Variants in STPG4 observed in about 807,000 individuals in gnomAD.
STPG4 encodes sperm-tail PG-rich repeat containing 4.
Under a neutral mutation model 31.5 loss-of-function variants are expected in STPG4, and 41 were observed. The observed-to-expected ratio is 1.30, with a 90% confidence interval of 1.01 to 1.69. STPG4 has a LOEUF of 1.69. Among genes scored for constraint, STPG4 ranks in the 40% most tolerant of loss-of-function variants. The probability of loss-of-function intolerance (pLI) is 0.00; values close to 1 mark genes in which losing one functional copy is unlikely to be tolerated. For missense variants in STPG4, 375 were observed against 293.4 expected (o/e 1.28, Z -2.03); for synonymous variants, 141 against 103.0 (o/e 1.37, Z -2.24).
chr2:47,103,019 G>A (rs1166259294), intron 5 of STPG4, among the ~76,000 whole-genome samples: 4 of 151,898 alleles, frequency 2.6e-5, no homozygotes, highest in Admixed American at 6.5e-5. Flanking sequence ...AGAGTTTGGA[G>A]ATACCTGGTA....
At chr2:47,153,787 A>T (rs1686979846) in intron 1 of STPG4, among the ~76,000 whole-genome samples, 1 of 152,216 alleles carries the variant, frequency 6.6e-6, no homozygotes, top group African/African-American at 2.4e-5. Context: ...GGGAAAAAAA[A>T]GACTAAGGCA....
chr2:47,088,967 G>T (rs1334617322), intron 6 of STPG4, among the ~76,000 whole-genome samples: 2 of 152,182 alleles, frequency 1.3e-5, no homozygotes, highest in Non-Finnish European at 2.9e-5. Flanking sequence ...GCTGGTTGGG[G>T]TTCAGCCACC....
chr2:47,108,989 G>A (rs954905861), intron 5 of STPG4, among the ~76,000 whole-genome samples: 1 of 152,192 alleles, frequency 6.6e-6, no homozygotes, highest in African/African-American at 2.4e-5. Flanking sequence ...ACGTGCCAAG[G>A]TTATAGGCAC....
chr2:47,153,753 G>A lies in STPG4; in HGVS notation c.82-737C>T, dbSNP rs555843448. ...ACATCACTGCAACTCCAGCCTGGGC[G>A]ACAAAGCAAGAAGCCACCTCAGGGG... On this transcript the variant is annotated intron_variant, in intron 1 of 6. Coordinates refer to ENST00000445927, the MANE Select transcript of STPG4 (RefSeq NM_001163561.2). Among the ~76,000 whole-genome samples the A allele has an allele frequency of 5.3e-5, 8 of 152,176 alleles. No homozygotes were observed. In the East Asian group the frequency reaches 9.7e-4, roughly 18 times the overall value.
chr2:47,087,444 AG>A (rs2103717030), intron 6 of STPG4, among the ~76,000 whole-genome samples: 1 of 152,312 alleles, frequency 6.6e-6, no homozygotes, highest in African/African-American at 2.4e-5. Flanking sequence ...CTTCTCCCAA[AG>A]GGCACTTGGC....
At chr2:47,099,765 G>T (rs1298560835) in intron 5 of STPG4, among the ~76,000 whole-genome samples, 1 of 152,262 alleles carries the variant, frequency 6.6e-6, no homozygotes, top group Non-Finnish European at 1.5e-5. Context: ...GGCTGCGCGT[G>T]GCGCTTGCGG....
chr2:47,112,480 G>A (rs1283802861), intron 5 of STPG4, among the ~76,000 whole-genome samples: 1 of 152,052 alleles, frequency 6.6e-6, no homozygotes, highest in East Asian at 1.9e-4. Context: ...TAACCTTTGA[G>A]ATTGTATGTA....
intron 2 of STPG4, 113 bp downstream of exon 2, chr2:47,152,844 C>T: frequency 1.4e-6 from 1 of 720,646 alleles, no homozygotes. Context: ...CCATGCAGAT[C>T]TGAACAATCA....
chr2:47,155,050 G>T, intron 1 of STPG4, 121 bp downstream of exon 1: 1 of 847,612 alleles, frequency 1.2e-6, no homozygotes, highest in Non-Finnish European at 1.9e-6. Context: ...GGCAGGGAGA[G>T]AAGGGTAGGA....
intron 5 of STPG4, chr2:47,128,797 T>A (rs1399722406): frequency 2.6e-5 from 4 of 152,138 alleles, no homozygotes; most frequent in Non-Finnish European, 5.9e-5. Context: ...GCCGAACTGG[T>A]ACCCAAGCTG....
rs1388422538 is a variant in STPG4, at chr2:47,090,317, T to G, written c.577A>C (p.Thr193Pro). ...NVKMPPTSSV[T>P]SCFQSRVPRF... The stretch of plus-strand genomic sequence containing the variant: ...GGGACTCTGGATTGAAAACAAGAAG[T>G]GACAGAGCTTGTTGGAGGCATTTTC... Residue 193 changes from threonine (T) to proline (P), a missense_variant, in exon 6 of 7, where the codon ACT becomes CCT. Physicochemically the swap from Thr to Pro is conservative, Grantham distance 38. Transcript: ENST00000445927. The G allele has an allele frequency of 4.5e-6, 7 of 1,551,962 alleles. 1 individual carries two copies. The highest frequency in any genetic ancestry group is 1.7e-4 in the Middle Eastern group (1 of 5,992).
At chr2:47,114,899 C>T (rs949697200) in intron 5 of STPG4, among the ~76,000 whole-genome samples, 4 of 152,136 alleles carry the variant, frequency 2.6e-5, no homozygotes, top group African/African-American at 9.7e-5. Flanking sequence ...TCCTAAGTAG[C>T]TGGGACTACA....
Position 47,090,288 on chromosome 2 carries a change from T to G in STPG4, c.606A>C (p.Arg202=), listed in dbSNP as rs754008121. 1 of 1,551,468 alleles carries G rather than the reference T, an allele frequency of 6.4e-7. No homozygotes were observed. The highest frequency in any genetic ancestry group is 1.2e-5 in the South Asian group (1 of 84,056). The change falls in exon 6 of 7, where the codon CGA becomes CGC. Residue 202 remains arginine, a synonymous_variant. Coordinates refer to ENST00000445927, the MANE Select transcript of STPG4 (RefSeq NM_001163561.2). ...VTSCFQSRVP[R]FLPSCSKTPG... ...TACTTACTGAACAGCTGGGCAAGAA[T>G]CGAGGGACTCTGGATTGAAAACAAG... is the stretch of plus-strand genomic sequence containing the variant.
Position 47,155,190 on chromosome 2 carries a change from T to A in STPG4, c.62A>T (p.Glu21Val). 1 of 1,614,082 alleles carries A rather than the reference T, an allele frequency of 6.2e-7. No homozygotes were observed. Among genetic ancestry groups the A allele is most frequent in the Non-Finnish European group, 8.5e-7 (1 of 1,180,008 alleles). The change falls in exon 1 of 7, where the codon GAA becomes GTA. Residue 21 changes from glutamate (E) to valine (V), a missense_variant. Physicochemically the swap from Glu to Val is moderately radical, Grantham distance 121. Coordinates refer to ENST00000445927, the MANE Select transcript of STPG4 (RefSeq NM_001163561.2). ...TSIREDLVGG[E>V]SFITASKPAQ... ...TCTTACCGAAGCTGTGATGAATGAT[T>A]CTCCACCCACCAGGTCTTCCCTTAT...
chr2:47,140,910 T>A, intron 3 of STPG4, among the ~76,000 whole-genome samples: 1 of 152,064 alleles, frequency 6.6e-6, no homozygotes, highest in Non-Finnish European at 1.5e-5. Flanking sequence ...TTTTTTTCTT[T>A]TTAAGACAGG....
chr2:47,133,738 T>A (rs941682184), intron 3 of STPG4, among the ~76,000 whole-genome samples: 2 of 151,854 alleles, frequency 1.3e-5, no homozygotes, highest in African/African-American at 4.8e-5. Context: ...CCACCACGTC[T>A]GGCTAATTTT....
At chr2:47,126,196 G>C (rs1686361471) in intron 5 of STPG4, among the ~76,000 whole-genome samples, 1 of 152,100 alleles carries the variant, frequency 6.6e-6, no homozygotes, top group African/African-American at 2.4e-5. Context: ...GATGACTTTG[G>C]CTATTCTGGG....
chr2:47,101,799 C>G (rs554942107), intron 5 of STPG4, among the ~76,000 whole-genome samples: 1 of 152,028 alleles, frequency 6.6e-6, no homozygotes, highest in African/African-American at 2.4e-5. Context: ...AAAGGTGTCA[C>G]TCTTCCAACC....
In STPG4 at chr2:47,151,373, T is replaced by C. The variant is rs747691446; in HGVS notation, c.284A>G (p.Asp95Gly). Reference protein sequence around the residue: ...LVQRNNPVLNDLPQYMPPDFL... With the variant: ...LVQRNNPVLNGLPQYMPPDFL... ...GTCAGGAGGCATATACTGCGGAAGA[T>C]CATTTAGGACTGGATTGTTTCTTTG... The change falls in exon 3 of 7, where the codon GAT (aspartate) becomes GGT (glycine). Residue 95 changes from aspartate (D) to glycine (G), a missense_variant. By Grantham distance (94) the Asp-to-Gly change is moderately conservative. Coordinates refer to ENST00000445927, the MANE Select transcript of STPG4 (RefSeq NM_001163561.2). 1 of 1,614,182 alleles carries C rather than the reference T, an allele frequency of 6.2e-7. No homozygotes were observed. The highest frequency in any genetic ancestry group is 8.5e-7 in the Non-Finnish European group (1 of 1,180,030).
Sources: gnomAD v4.1 joint callset for allele counts (sites outside exome capture counted in the v4.1 genomes callset) on GRCh38, gnomAD v4.1.1 for gene constraint, MANE v1.5 for transcripts, NCBI Gene and HGNC (gene_info 2026-07-23, HGNC 2026-07-21) for gene names.